Variants in MICU1 observed in about 807,000 individuals in gnomAD.
MICU1 encodes the protein mitochondrial calcium uptake 1, also known as calcium uptake protein 1, mitochondrial.
In MICU1, 45 loss-of-function variants were observed where a neutral mutation model predicts 56.8. The observed-to-expected ratio is 0.79, with a 90% confidence interval of 0.62 to 1.02. The LOEUF (loss-of-function observed/expected upper bound fraction) is 1.02, where lower values mean the gene tolerates loss of function less well. Among genes scored for constraint, MICU1 ranks in the 50% least tolerant of loss-of-function variants. The pLI is 0.00. For synonymous variants in MICU1, 186 were observed against 195.1 expected, an observed-to-expected ratio of 0.95 and a Z score of 0.39; for missense variants, 504 against 587.1, an observed-to-expected ratio of 0.86 and a Z score of 1.46.
intron 5 of MICU1, chr10:72,524,860 A>T: frequency 1.6e-6 from 1 of 620,306 alleles, no homozygotes; most frequent in Non-Finnish European, 2.3e-6. Context: ...TAAAACCTGT[A>T]ATAATATCAC....
At chr10:72,440,846 T>C (rs1439296498) in intron 8 of MICU1, among the ~76,000 whole-genome samples, 1 of 152,118 alleles carries the variant, frequency 6.6e-6, no homozygotes, top group African/African-American at 2.4e-5. Flanking sequence ...AAAACCACAA[T>C]GAGATACCAT....
intron 1 of MICU1, among the ~76,000 whole-genome samples, chr10:72,591,421 T>C (rs1841221193): frequency 6.7e-6 from 1 of 150,220 alleles, no homozygotes; most frequent in South Asian, 2.1e-4. Context: ...TAGAGAAAAA[T>C]CAGTAAAACC....
intron 1 of MICU1, among the ~76,000 whole-genome samples, chr10:72,598,205 T>TC (rs1213462232): frequency 6.6e-6 from 1 of 152,058 alleles, no homozygotes; most frequent in Non-Finnish European, 1.5e-5. Context: ...AATATATCTA[T>TC]CACTGAGGTA....
chr10:72,450,786 G>A (rs936394311), intron 8 of MICU1, among the ~76,000 whole-genome samples: 2 of 146,262 alleles, frequency 1.4e-5, no homozygotes, highest in Non-Finnish European at 3.0e-5. Flanking sequence ...GTGCAATGGT[G>A]CAATCTCAGC....
intron 4 of MICU1, among the ~76,000 whole-genome samples, chr10:72,544,393 A>C (rs1415865534): frequency 6.6e-6 from 1 of 152,118 alleles, no homozygotes; most frequent in Non-Finnish European, 1.5e-5. Flanking sequence ...GATAATATGG[A>C]GTCCAGGAGA....
intron 1 of MICU1, among the ~76,000 whole-genome samples, chr10:72,579,265 G>A (rs1248666361): frequency 1.3e-5 from 2 of 152,066 alleles, no homozygotes; most frequent in African/African-American, 2.4e-5. Flanking sequence ...TCTGGAGGCC[G>A]GGGAGTCCAA....
rs754274260 is a variant in MICU1, at chr10:72,444,444, C to CTTT, written c.934-21076_934-21074dup. Among the ~76,000 whole-genome samples, 171 of 107,618 alleles carry CTTT rather than the reference C, an allele frequency of 1.6e-3. 2 individuals carry two copies. Among genetic ancestry groups the CTTT allele is most frequent in the African/African-American group, 4.3e-3 (107 of 24,984 alleles). 70.6% of individuals were successfully genotyped at this position (107,618 alleles called of 152,430 possible). On this transcript the variant is annotated intron_variant, in intron 8 of 11. Transcript: ENST00000361114. ...TATACTTCTATGTGAGAGTCTTTGC[C>CTTT]TTTTTTTTTTTTTTTTTTTTTTTGA...
intron 5 of MICU1, among the ~76,000 whole-genome samples, chr10:72,512,093 CA>C (rs1177980715): frequency 1.5e-5 from 2 of 136,272 alleles, no homozygotes; most frequent in Admixed American, 7.5e-5. Context: ...GGCATCCATA[CA>C]CAGTTGTTTT....
intron 4 of MICU1, among the ~76,000 whole-genome samples, chr10:72,543,593 C>G (rs954409614): frequency 6.6e-6 from 1 of 152,146 alleles, no homozygotes; most frequent in Non-Finnish European, 1.5e-5. Context: ...TGGTGGCTCA[C>G]GCCTGTAATC....
intron 7 of MICU1, 76 bp from the exon 8 acceptor site, chr10:72,475,373 T>TA: frequency 7.7e-7 from 1 of 1,293,254 alleles, no homozygotes. Flanking sequence ...GCAAGAATCA[T>TA]AACTATTGTT....
At position 72,476,678 on chromosome 10, in the gene MICU1, T is replaced by C. The variant is rs1202234521; in HGVS notation, c.735+496A>G. Among the ~76,000 whole-genome samples the C allele has an allele frequency of 3.9e-5, 6 of 152,218 alleles. No individual in the cohort carries two copies. In the South Asian group the frequency reaches 1.2e-3, roughly 31 times the overall value. ...CCACTTCTGGCAATCATAATAACTG[T>C]ATCTGGAGAAGCACCATGGTTCTCC... On this transcript the variant is annotated intron_variant, in intron 7 of 11. Coordinates refer to ENST00000361114, the MANE Select transcript of MICU1 (RefSeq NM_001195518.2).
At chr10:72,518,956 C>T (rs1027349345) in intron 5 of MICU1, among the ~76,000 whole-genome samples, 2 of 152,262 alleles carry the variant, frequency 1.3e-5, no homozygotes. Context: ...GTTGGGATTA[C>T]AGGCGTGAGC....
At chr10:72,502,156 T>TG (rs1867092176) in intron 6 of MICU1, among the ~76,000 whole-genome samples, 1 of 104,688 alleles carries the variant, frequency 9.6e-6, no homozygotes, top group Non-Finnish European at 2.7e-5. Context: ...GTTTTTTTTT[T>TG]TGTTTTTTTT....
chr10:72,435,033 C>CT (rs34617376), intron 8 of MICU1, among the ~76,000 whole-genome samples: 80,605 of 151,780 alleles, frequency 0.53, 23,158 homozygotes, highest in Non-Finnish European at 0.67. Context: ...TTACTTTGGG[C>CT]TTAGTAATCC....
intron 3 of MICU1, among the ~76,000 whole-genome samples, chr10:72,552,773 C>T (rs1414507874): frequency 1.3e-5 from 2 of 152,162 alleles, no homozygotes; most frequent in African/African-American, 4.8e-5. Context: ...AGGCTGGTCT[C>T]GAACGCCTGA....
chr10:72,575,613 T>C (rs1200924931), intron 1 of MICU1, among the ~76,000 whole-genome samples: 1 of 152,182 alleles, frequency 6.6e-6, no homozygotes, highest in Non-Finnish European at 1.5e-5. Flanking sequence ...TTGCAATATT[T>C]CCAACTTTTT....
intron 8 of MICU1, among the ~76,000 whole-genome samples, chr10:72,451,669 C>T (rs1055718949): frequency 2.6e-5 from 4 of 151,756 alleles, no homozygotes; most frequent in African/African-American, 9.7e-5. Context: ...CAGCCTCCCA[C>T]GTAGTTGGGA....
At chr10:72,426,916 C>T (rs1247860789) in intron 8 of MICU1, among the ~76,000 whole-genome samples, 1 of 152,168 alleles carries the variant, frequency 6.6e-6, no homozygotes, top group Admixed American at 6.5e-5. Flanking sequence ...ACAAAATTAT[C>T]ATAATGTAGA....
At chr10:72,597,037 G>A (rs1041421438) in intron 1 of MICU1, among the ~76,000 whole-genome samples, 1 of 152,128 alleles carries the variant, frequency 6.6e-6, no homozygotes, top group African/African-American at 2.4e-5. Context: ...GGGGCGAGAT[G>A]AAGGCATATG....
Sources: gnomAD v4.1 joint callset for allele counts (sites outside exome capture counted in the v4.1 genomes callset) on GRCh38, gnomAD v4.1.1 for gene constraint, MANE v1.5 for transcripts, NCBI Gene and HGNC (gene_info 2026-07-23, HGNC 2026-07-21) for gene names.